The following ZNF804B variants were observed in gnomAD, a reference collection of about 807,000 sequenced individuals.
ZNF804B encodes the protein zinc finger protein 804B.
Under a neutral mutation model 101.4 loss-of-function variants are expected in ZNF804B, and 80 were observed. That is an observed-to-expected ratio of 0.79 (90% CI 0.66 to 0.95). The LOEUF (loss-of-function observed/expected upper bound fraction) is 0.95, where lower values mean the gene tolerates loss of function less well. Ranked by LOEUF, ZNF804B falls within the 40% of genes least tolerant of loss-of-function variation. ZNF804B has a pLI of 0.00. For missense variants in ZNF804B, 1,673 were observed against 1,561.9 expected (o/e 1.07, Z -1.20); for synonymous variants, 622 against 558.8 (o/e 1.11, Z -1.59).
chr7:89,058,533 A>C (rs1789330342), intron 1 of ZNF804B, among the ~76,000 whole-genome samples: 1 of 152,154 alleles, frequency 6.6e-6, no homozygotes, highest in Non-Finnish European at 1.5e-5. Flanking sequence ...TTTATTTAGA[A>C]ACAAGCATTT....
chr7:89,327,562 C>A, intron 3 of ZNF804B, 88 bp downstream of exon 3: 3 of 1,494,854 alleles, frequency 2.0e-6, no homozygotes, highest in Non-Finnish European at 2.7e-6. Flanking sequence ...ACAATGTAAA[C>A]AAATAATAAC....
intron 2 of ZNF804B, among the ~76,000 whole-genome samples, chr7:89,252,895 C>A (rs746502497): frequency 1.2e-4 from 18 of 151,976 alleles, no homozygotes; most frequent in Non-Finnish European, 2.1e-4. Flanking sequence ...AGGAGGGGGA[C>A]AATTTTTCAA....
chr7:88,854,418 T>TCTTCCTTCCTTC (rs1791503967), intron 1 of ZNF804B, among the ~76,000 whole-genome samples: 3 of 85,240 alleles, frequency 3.5e-5, no homozygotes, highest in African/African-American at 1.3e-4. Context: ...TTTCTTCCTT[T>TCTTCCTTCCTTC]CTTTCTTTCT....
intron 1 of ZNF804B, among the ~76,000 whole-genome samples, chr7:88,914,382 A>G (rs1792600974): frequency 6.6e-6 from 1 of 152,044 alleles, no homozygotes; most frequent in Non-Finnish European, 1.5e-5. Flanking sequence ...TGCCCCTGCT[A>G]ATACTCTCCC....
intron 1 of ZNF804B, among the ~76,000 whole-genome samples, chr7:89,208,822 C>A (rs1293356884): frequency 1.3e-5 from 2 of 152,032 alleles, no homozygotes; most frequent in Non-Finnish European, 2.9e-5. Context: ...ACCATCCTGG[C>A]TAACACGGTG....
chr7:88,845,301 G>GCC (rs1554339289), intron 1 of ZNF804B, among the ~76,000 whole-genome samples: 12 of 149,920 alleles, frequency 8.0e-5, no homozygotes, highest in Non-Finnish European at 1.5e-4. Context: ...GCACGCGCGC[G>GCC]CACACACACA....
chr7:88,939,144 G>T (rs150829634), intron 1 of ZNF804B, among the ~76,000 whole-genome samples: 38 of 152,070 alleles, frequency 2.5e-4, no homozygotes, highest in African/African-American at 7.9e-4. Flanking sequence ...ATCCATTGGG[G>T]ATTGTTTTCA....
chr7:89,333,324 C>A, intron 3 of ZNF804B, 39 bp from the exon 4 acceptor site: 1 of 1,478,770 alleles, frequency 6.8e-7, no homozygotes. Context: ...GATTCCAAAG[C>A]TAATCTCTTA....
intron 1 of ZNF804B, among the ~76,000 whole-genome samples, chr7:89,122,727 C>T (rs1790424883): frequency 1.3e-5 from 2 of 152,114 alleles, no homozygotes; most frequent in Admixed American, 6.6e-5. Context: ...AGGACACACC[C>T]CATCAATCAT....
At chr7:89,002,276 G>T (rs1243196330) in intron 1 of ZNF804B, among the ~76,000 whole-genome samples, 1 of 151,698 alleles carries the variant, frequency 6.6e-6, no homozygotes, top group Non-Finnish European at 1.5e-5. Context: ...GCTTAATTTA[G>T]TTAAGCTAGA....
rs546254427 is a variant in ZNF804B at position 89,173,261 on chromosome 7, C to T, written c.109-44894C>T. Among the ~76,000 whole-genome samples the T allele has an allele frequency of 2.0e-5, 3 of 152,094 alleles. No homozygotes were observed. In the South Asian group the frequency reaches 6.2e-4, roughly 32 times the overall value. Reference sequence around the variant, plus strand: ...CTACACCATTCCACAATAAGTTCCTCTCTTCTCTGTATTTATTAATTGTTA... The same window carrying T: ...CTACACCATTCCACAATAAGTTCCTTTCTTCTCTGTATTTATTAATTGTTA... On this transcript the variant is annotated intron_variant, in intron 1 of 3. Coordinates refer to ENST00000333190, the MANE Select transcript of ZNF804B (RefSeq NM_181646.5).
chr7:89,121,361 C>CTAGAGA (rs144666215), intron 1 of ZNF804B, among the ~76,000 whole-genome samples: 14,425 of 151,998 alleles, frequency 0.095, 740 homozygotes, highest in Middle Eastern at 0.14. Flanking sequence ...TGGTGAAATA[C>CTAGAGA]CTAGCATATT....
chr7:89,151,350 C>G (rs1368922534), intron 1 of ZNF804B, among the ~76,000 whole-genome samples: 1 of 151,942 alleles, frequency 6.6e-6, no homozygotes, highest in East Asian at 1.9e-4. Context: ...ATTCACTCAA[C>G]AATAATCTGA....
intron 1 of ZNF804B, among the ~76,000 whole-genome samples, chr7:88,980,100 T>C (rs7779354): frequency 0.18 from 27,495 of 151,780 alleles, 2,649 homozygotes; most frequent in Middle Eastern, 0.22. Flanking sequence ...AGTTTTAGGG[T>C]ACATGTGCAC....
intron 1 of ZNF804B, among the ~76,000 whole-genome samples, chr7:89,116,201 A>G (rs1190571819): frequency 6.6e-6 from 1 of 152,034 alleles, no homozygotes; most frequent in Non-Finnish European, 1.5e-5. Context: ...GGCATGAGCC[A>G]CCGTGCCAAG....
chr7:89,184,510 A>C (rs1788344398), intron 1 of ZNF804B, among the ~76,000 whole-genome samples: 1 of 152,174 alleles, frequency 6.6e-6, no homozygotes, highest in African/African-American at 2.4e-5. Flanking sequence ...TTCTCTTGTT[A>C]AGTTCTTTAT....
rs73386693 is a variant in ZNF804B at position 89,324,937 on chromosome 7, G to A, written c.250-2407G>A. Reference sequence around the variant, plus strand: ...TTCCTGCTTTTATGATTTTTTTAAAGCAACTCCAAAGTAGTGCTGAATCTA... The same window carrying A: ...TTCCTGCTTTTATGATTTTTTTAAAACAACTCCAAAGTAGTGCTGAATCTA... On this transcript the variant is annotated intron_variant, in intron 2 of 3. Coordinates refer to ENST00000333190, the MANE Select transcript of ZNF804B (RefSeq NM_181646.5). Among the ~76,000 whole-genome samples the A allele has an allele frequency of 3.6e-3, 541 of 151,770 alleles. 5 individuals are homozygous for A. Among genetic ancestry groups the A allele is most frequent in the African/African-American group, 0.013 (519 of 41,466 alleles).
intron 1 of ZNF804B, among the ~76,000 whole-genome samples, chr7:89,198,898 A>G (rs1788592340): frequency 6.6e-6 from 1 of 151,970 alleles, no homozygotes. Flanking sequence ...AGGAAAATGT[A>G]TGTTTAATGC....
At chr7:89,255,518 A>C (rs1366408910) in intron 2 of ZNF804B, among the ~76,000 whole-genome samples, 1 of 152,228 alleles carries the variant, frequency 6.6e-6, no homozygotes, top group Non-Finnish European at 1.5e-5. Context: ...GTGGGAAAAG[A>C]GAGCCCATTT....
Sources: gnomAD v4.1 joint callset for allele counts (sites outside exome capture counted in the v4.1 genomes callset) on GRCh38, gnomAD v4.1.1 for gene constraint, MANE v1.5 for transcripts, NCBI Gene and HGNC (gene_info 2026-07-23, HGNC 2026-07-21) for gene names.